NUFIP1: variants seen among roughly 807,000 people sequenced by gnomAD.
The protein encoded by NUFIP1 is nuclear FMR1 interacting protein 1.
NUFIP1 carries 38 observed loss-of-function variants against 56.2 expected under a neutral mutation model. The observed-to-expected ratio is 0.68, with a 90% CI of 0.52 to 0.89. The LOEUF is 0.89. NUFIP1 is among the 40% of genes least tolerant of loss of function. The pLI is 0.00. For synonymous variants in NUFIP1, 215 were observed against 212.4 expected (o/e 1.01, Z -0.10); for missense variants, 567 against 605.8 (o/e 0.94, Z 0.67).
At chr13:44,965,964 T>C (rs762161408) in intron 5 of NUFIP1, 28 bp from the exon 6 acceptor site, 4 of 1,329,402 alleles carry the variant, frequency 3.0e-6, no homozygotes, top group Non-Finnish European at 4.1e-6. Context: ...TTAATTATAA[T>C]AGGGCTTTTA....
chr13:44,980,742 GT>G lies in NUFIP1; in HGVS notation c.573del (p.Lys191AsnfsTer12), dbSNP rs1378798327. On this transcript the variant is annotated frameshift_variant, in exon 3 of 10. Coordinates refer to ENST00000379161, the MANE Select transcript of NUFIP1 (RefSeq NM_012345.3). LOFTEE classifies it high-confidence loss of function. ...RGFKNQEKYD[K>X]HMSEHTKCPE... The stretch of plus-strand genomic sequence containing the variant: ...CCTACTTTTGTATGTTCAGACATGT[GT>G]TTGTCATACTTTTCTTGATTTTTAA... 6.2e-7 allele frequency: 1 copy of G among 1,601,880 alleles called. No individual in the cohort carries two copies. The highest frequency in any genetic ancestry group is 1.3e-5 in the African/African-American group (1 of 74,258).
At chr13:44,979,851 A>G (rs756677890) in intron 4 of NUFIP1, 39 bp downstream of exon 4, 5 of 1,398,844 alleles carry the variant, frequency 3.6e-6, no homozygotes, top group Non-Finnish European at 5.0e-6. Context: ...CAATAAAAAG[A>G]GCATGTATTT....
At chr13:44,977,299 A>T (rs1872013773) in intron 5 of NUFIP1, among the ~76,000 whole-genome samples, 1 of 152,242 alleles carries the variant, frequency 6.6e-6, no homozygotes, top group Non-Finnish European at 1.5e-5. Context: ...TGTATAAATA[A>T]GCTATGTATT....
chr13:44,944,718 G>C (rs552819139), intron 8 of NUFIP1, among the ~76,000 whole-genome samples: 4 of 152,042 alleles, frequency 2.6e-5, no homozygotes, highest in Non-Finnish European at 4.4e-5. Context: ...TTCTCTGACT[G>C]TAGCAGAATT....
chr13:44,979,317 G>T, intron 4 of NUFIP1, 51 bp from the exon 5 acceptor site: 1 of 1,439,178 alleles, frequency 6.9e-7, no homozygotes, highest in Non-Finnish European at 9.6e-7. Context: ...ATATGCTTTT[G>T]ACTAACTTGG....
intron 8 of NUFIP1, among the ~76,000 whole-genome samples, chr13:44,947,474 G>A (rs536906735): frequency 3.3e-5 from 5 of 151,950 alleles, no homozygotes; most frequent in Middle Eastern, 3.4e-3. Context: ...CCTGACCTCC[G>A]GTGATCCACC....
Position 44,949,828 on chromosome 13 carries a change from C to T in NUFIP1, c.1032G>A (p.Lys344=), listed in dbSNP as rs771424236. ...VLINSDSESD[K]EEKPQHSVIP... ...TCACAGAATGTTGTGGTTTCTCCTC[C>T]TTATCAGACTCTGAAGGGAAAAGAA... The change falls in exon 8 of 10, where the codon AAG becomes AAA. Residue 344 remains lysine (K), a synonymous_variant. Coordinates refer to ENST00000379161, the MANE Select transcript of NUFIP1 (RefSeq NM_012345.3). 4.0e-5 allele frequency: 64 copies of T among 1,612,318 alleles called. 5 individuals carry two copies. In the South Asian group the frequency reaches 6.8e-4, roughly 17 times the overall value.
intron 5 of NUFIP1, among the ~76,000 whole-genome samples, chr13:44,971,350 C>T (rs2137915007): frequency 1.3e-5 from 2 of 152,254 alleles, no homozygotes; most frequent in Middle Eastern, 6.8e-3. Context: ...TTGCCCATTC[C>T]TCTTCCAAGG....
At chr13:44,942,585 TCA>T (rs1870777404) in intron 9 of NUFIP1, among the ~76,000 whole-genome samples, 1 of 152,208 alleles carries the variant, frequency 6.6e-6, no homozygotes, top group Non-Finnish European at 1.5e-5. Flanking sequence ...AACAGACTTT[TCA>T]CAGAATGTCA....
intron 5 of NUFIP1, among the ~76,000 whole-genome samples, chr13:44,978,791 T>C (rs942888459): frequency 6.6e-6 from 1 of 152,166 alleles, no homozygotes; most frequent in Admixed American, 6.5e-5. Context: ...CAGGTTACAT[T>C]TGTACTTAGC....
intron 5 of NUFIP1, among the ~76,000 whole-genome samples, chr13:44,972,631 A>G (rs1871845125): frequency 6.6e-6 from 1 of 152,240 alleles, no homozygotes; most frequent in African/African-American, 2.4e-5. Context: ...ATTTCACTAT[A>G]TGTACAATAT....
At chr13:44,942,967 TAA>T (rs397959012) in intron 9 of NUFIP1, among the ~76,000 whole-genome samples, 8 of 105,094 alleles carry the variant, frequency 7.6e-5, no homozygotes, top group South Asian at 2.9e-4. Context: ...CCTCAACTCT[TAA>T]AAAAAAAAAA....
chr13:44,948,658 A>C (rs1870973844), intron 8 of NUFIP1, among the ~76,000 whole-genome samples: 1 of 152,212 alleles, frequency 6.6e-6, no homozygotes, highest in African/African-American at 2.4e-5. Flanking sequence ...ATGCTGGATT[A>C]TTGATATAAA....
chr13:44,988,063 T>C (rs138841745), intron 1 of NUFIP1, among the ~76,000 whole-genome samples: 35 of 152,348 alleles, frequency 2.3e-4, no homozygotes, highest in Admixed American at 8.5e-4. Context: ...GGCTGTGATC[T>C]CTCACCTCCC....
Position 44,946,918 on chromosome 13 carries a change from G to A in NUFIP1, c.1138+2804C>T, listed in dbSNP as rs114294842. ...CTAGAAATTTGCTAGTGACCTGGAT[G>A]GCTTAATAAAGCTGAATTCAAATTA... On this transcript the variant is annotated intron_variant, in intron 8 of 9. Transcript: ENST00000379161. 2.0e-3 allele frequency among the ~76,000 whole-genome samples: 305 copies of A among 152,284 alleles called. 2 individuals carry two copies. Among genetic ancestry groups the A allele is most frequent in the African/African-American group, 7.2e-3 (299 of 41,554 alleles).
intron 7 of NUFIP1, among the ~76,000 whole-genome samples, chr13:44,951,551 T>G (rs1258965266): frequency 6.6e-6 from 1 of 152,182 alleles, no homozygotes; most frequent in African/African-American, 2.4e-5. Context: ...GTCTTTATGG[T>G]CCACAATAAT....
chr13:44,972,632 T>C (rs1039986978), intron 5 of NUFIP1, among the ~76,000 whole-genome samples: 1 of 152,196 alleles, frequency 6.6e-6, no homozygotes, highest in Non-Finnish European at 1.5e-5. Flanking sequence ...TTTCACTATA[T>C]GTACAATATA....
At chr13:44,963,545 A>C (rs1871496440) in intron 6 of NUFIP1, among the ~76,000 whole-genome samples, 2 of 152,178 alleles carry the variant, frequency 1.3e-5, no homozygotes, top group Non-Finnish European at 2.9e-5. Context: ...TAGATTAAAG[A>C]AATTATTTTC....
chr13:44,979,452 G>A (rs1266901947), intron 4 of NUFIP1, among the ~76,000 whole-genome samples, 186 bp from the exon 5 acceptor site: 1 of 152,130 alleles, frequency 6.6e-6, no homozygotes, highest in Non-Finnish European at 1.5e-5. Context: ...TTTAATTAGT[G>A]CTATTAATAG....
Sources: gnomAD v4.1 joint callset for allele counts (sites outside exome capture counted in the v4.1 genomes callset) on GRCh38, gnomAD v4.1.1 for gene constraint, MANE v1.5 for transcripts, NCBI Gene and HGNC (gene_info 2026-07-23, HGNC 2026-07-21) for gene names.